COL4A1: variants seen among roughly 807,000 people sequenced by gnomAD.
COL4A1 encodes the protein collagen type IV alpha 1 chain, also known as collagen alpha-1(IV) chain.
In COL4A1, 40 loss-of-function variants were observed where a neutral mutation model predicts 216.6. The ratio of observed to expected loss-of-function variants is 0.18; its 90% confidence interval spans 0.14 to 0.24. COL4A1 has a LOEUF of 0.24. Among genes scored for constraint, COL4A1 ranks in the 10% least tolerant of loss-of-function variants. COL4A1 has a pLI of 1.00. For synonymous variants in COL4A1, 839 were observed against 810.7 expected (o/e 1.03, Z -0.59); for missense variants, 1,628 against 2,196.8 (o/e 0.74, Z 5.18).
chr13:110,239,549 T>A (rs551573686), intron 2 of COL4A1, among the ~76,000 whole-genome samples: 2 of 152,198 alleles, frequency 1.3e-5, no homozygotes, highest in African/African-American at 4.8e-5. Flanking sequence ...TTTGAGAATA[T>A]CAAAATAATT....
chr13:110,273,057 A>T (rs1410072754), intron 1 of COL4A1, among the ~76,000 whole-genome samples: 1 of 152,240 alleles, frequency 6.6e-6, no homozygotes, highest in Non-Finnish European at 1.5e-5. Flanking sequence ...AAGCATGGTT[A>T]AAATTTTCAG....
At chr13:110,252,178 C>T (rs965011319) in intron 1 of COL4A1, among the ~76,000 whole-genome samples, 1 of 152,000 alleles carries the variant, frequency 6.6e-6, no homozygotes, top group Non-Finnish European at 1.5e-5. Context: ...TGCCTGCCAC[C>T]ATGCCTGGCT....
At chr13:110,201,619 T>C (rs1315393920) in intron 18 of COL4A1, 97 bp from the exon 19 acceptor site, 1 of 1,085,292 alleles carries the variant, frequency 9.2e-7, no homozygotes, top group Non-Finnish European at 1.4e-6. Flanking sequence ...ATATTTGTTT[T>C]TATTTCAAGA....
intron 19 of COL4A1, 112 bp downstream of exon 19, chr13:110,201,326 G>A: frequency 1.4e-6 from 1 of 718,126 alleles, no homozygotes; most frequent in East Asian, 2.8e-5. Flanking sequence ...AGGGGGAGGA[G>A]GAAGGAGGAG....
At chr13:110,238,929 G>T (rs1277315512) in intron 2 of COL4A1, among the ~76,000 whole-genome samples, 2 of 152,120 alleles carry the variant, frequency 1.3e-5, no homozygotes, top group African/African-American at 4.8e-5. Flanking sequence ...TTCTGTGAAG[G>T]CAAGCATTCA....
intron 1 of COL4A1, among the ~76,000 whole-genome samples, chr13:110,291,172 A>G (rs1486991138): frequency 6.6e-6 from 1 of 152,192 alleles, no homozygotes; most frequent in African/African-American, 2.4e-5. Context: ...TGGTGTCTAG[A>G]AAAAGTACAC....
intron 24 of COL4A1, among the ~76,000 whole-genome samples, chr13:110,190,486 G>A (rs1395489823): frequency 6.6e-6 from 1 of 152,116 alleles, no homozygotes; most frequent in Non-Finnish European, 1.5e-5. Context: ...CGGGGAGTCG[G>A]CCTTTTGTGA....
chr13:110,273,997 A>G (rs1217781352), intron 1 of COL4A1, among the ~76,000 whole-genome samples: 1 of 152,240 alleles, frequency 6.6e-6, no homozygotes, highest in Non-Finnish European at 1.5e-5. Flanking sequence ...GGCCTCATCA[A>G]ATTAAAAATG....
chr13:110,178,066 G>A lies in COL4A1; in HGVS notation c.2624C>T (p.Pro875Leu), dbSNP rs201964644. 1 of 1,614,114 alleles carries A rather than the reference G, an allele frequency of 6.2e-7. No homozygotes were observed. Among genetic ancestry groups the A allele is most frequent in the South Asian group, 1.1e-5 (1 of 91,088 alleles). The change falls in exon 32 of 52, where the codon CCA becomes CTA. Residue 875 changes from proline (P) to leucine (L), a missense_variant and splice_region_variant. Coordinates refer to ENST00000375820, the MANE Select transcript of COL4A1 (RefSeq NM_001845.6). ...GCAGAAGTTCAAAAATCACTTACCTGGAAACCCAGGAATCCCAGGAGCCCC... is the reference window on the plus strand; with the variant it reads ...GCAGAAGTTCAAAAATCACTTACCTAGAAACCCAGGAATCCCAGGAGCCCC... ...QQGAPGIPGFPGSKGEMGVMG... is the reference protein window; with the variant it reads ...QQGAPGIPGFLGSKGEMGVMG...
chr13:110,171,325 G>A (rs577272554), intron 41 of COL4A1, among the ~76,000 whole-genome samples: 2 of 152,160 alleles, frequency 1.3e-5, no homozygotes, highest in Admixed American at 1.3e-4. Context: ...AGGGCAGGAG[G>A]GGGGGATTAT....
intron 1 of COL4A1, among the ~76,000 whole-genome samples, chr13:110,281,836 C>T (rs956025374): frequency 2.6e-5 from 4 of 152,224 alleles, no homozygotes; most frequent in African/African-American, 9.6e-5. Flanking sequence ...TTTCTCTGCC[C>T]TTCAGAGAGT....
intron 2 of COL4A1, among the ~76,000 whole-genome samples, chr13:110,234,420 A>G (rs1206697517): frequency 6.6e-6 from 1 of 152,124 alleles, no homozygotes; most frequent in Admixed American, 6.5e-5. Flanking sequence ...TGTCTCTACT[A>G]AAACTACAAA....
intron 6 of COL4A1, 91 bp downstream of exon 6, chr13:110,212,326 A>G: frequency 1.4e-6 from 2 of 1,481,322 alleles, no homozygotes; most frequent in Non-Finnish European, 1.9e-6. Context: ...GGCAAATAAA[A>G]CTCTATTAAC....
intron 1 of COL4A1, among the ~76,000 whole-genome samples, chr13:110,289,188 T>A (rs543047611): frequency 6.6e-6 from 1 of 152,166 alleles, no homozygotes; most frequent in African/African-American, 2.4e-5. Context: ...TTCTCCTGGA[T>A]GGAAGAGGGG....
At position 110,210,000 on chromosome 13, in the gene COL4A1, G is replaced by A; in HGVS notation, c.595C>T (p.Pro199Ser). 6.2e-7 allele frequency: 1 copy of A among 1,614,168 alleles called. No individual in the cohort carries two copies. The highest frequency in any genetic ancestry group is 8.5e-7 in the Non-Finnish European group (1 of 1,180,034). The change falls in exon 10 of 52, where the codon CCA becomes TCA. Residue 199 changes from proline to serine, a missense_variant. Pro to Ser is a moderately conservative substitution (Grantham distance 74). Coordinates refer to ENST00000375820, the MANE Select transcript of COL4A1 (RefSeq NM_001845.6). ...CTTACTGGTGGTCCGGTAAATCCTG[G>A]AGGCCCAACAGGACCTTGAAGCCCT... ...LPGLQGPVGP[P>S]GFTGPPGPPG...
intron 2 of COL4A1, among the ~76,000 whole-genome samples, chr13:110,223,510 TAACA>T (rs965151984): frequency 6.6e-6 from 1 of 152,228 alleles, no homozygotes; most frequent in Non-Finnish European, 1.5e-5. Context: ...ACCTACTACC[TAACA>T]TTCTGTTTCT....
intron 28 of COL4A1, among the ~76,000 whole-genome samples, chr13:110,182,569 G>A (rs753605308): frequency 2.6e-5 from 4 of 152,124 alleles, no homozygotes; most frequent in East Asian, 1.9e-4. Context: ...AGGAAGTGAC[G>A]GCTCTAACAC....
chr13:110,179,234 T>A, intron 30 of COL4A1, 37 bp downstream of exon 30: 1 of 1,613,518 alleles, frequency 6.2e-7, no homozygotes, highest in Non-Finnish European at 8.5e-7. Flanking sequence ...GCACATCCTG[T>A]CCTCGAAACC....
At chr13:110,198,947 A>C (rs370460975) in intron 20 of COL4A1, among the ~76,000 whole-genome samples, 1 of 152,242 alleles carries the variant, frequency 6.6e-6, no homozygotes, top group Non-Finnish European at 1.5e-5. Context: ...CTGCATTTCT[A>C]CTTGGCCAAT....
Sources: allele counts gnomAD v4.1 joint callset (sites outside exome capture counted in the v4.1 genomes callset), GRCh38; gene constraint gnomAD v4.1.1; transcripts MANE v1.5; gene names NCBI Gene and HGNC (gene_info 2026-07-23, HGNC 2026-07-21).